KCNH8: variants seen among roughly 807,000 people sequenced by gnomAD.
KCNH8 encodes the protein potassium voltage-gated channel subfamily H member 8, also known as voltage-gated delayed rectifier potassium channel KCNH8.
In KCNH8, 70 loss-of-function variants were observed where a neutral mutation model predicts 103.6. The observed-to-expected ratio is 0.68, with a 90% confidence interval of 0.56 to 0.82. The LOEUF is 0.82. KCNH8 is among the 40% of genes least tolerant of loss of function. The pLI is 0.00. For synonymous variants in KCNH8, 498 were observed against 489.4 expected (o/e 1.02, Z -0.23); for missense variants, 1,217 against 1,329.9 (o/e 0.92, Z 1.32).
chr3:19,517,514 A>T (rs189389964), intron 14 of KCNH8, among the ~76,000 whole-genome samples: 64 of 152,148 alleles, frequency 4.2e-4, no homozygotes, highest in African/African-American at 1.5e-3. Context: ...TACCCTTTAG[A>T]GTGATGCAGG....
intron 3 of KCNH8, among the ~76,000 whole-genome samples, chr3:19,294,586 A>T (rs2064971637): frequency 2.0e-5 from 3 of 152,234 alleles, no homozygotes; most frequent in Admixed American, 1.3e-4. Context: ...GCTTAAACTG[A>T]TTTAAAAATT....
At chr3:19,457,967 C>G (rs1468600318) in intron 11 of KCNH8, among the ~76,000 whole-genome samples, 1 of 151,944 alleles carries the variant, frequency 6.6e-6, no homozygotes, top group Non-Finnish European at 1.5e-5. Flanking sequence ...TTGTTGATAG[C>G]AAACAGCAGA....
chr3:19,468,940 G>A (rs1242715422), intron 11 of KCNH8, among the ~76,000 whole-genome samples: 1 of 152,148 alleles, frequency 6.6e-6, no homozygotes, highest in African/African-American at 2.4e-5. Context: ...GCTATTCCAA[G>A]AAGAGACTTA....
chr3:19,173,775 G>T (rs2063371084), intron 1 of KCNH8, among the ~76,000 whole-genome samples: 2 of 151,994 alleles, frequency 1.3e-5, no homozygotes, highest in South Asian at 4.1e-4. Context: ...TAACAAAGGA[G>T]TTATAACTGA....
intron 11 of KCNH8, among the ~76,000 whole-genome samples, chr3:19,480,301 A>C (rs1395363556): frequency 6.6e-6 from 1 of 152,162 alleles, no homozygotes; most frequent in Non-Finnish European, 1.5e-5. Context: ...CTTCTGCCTC[A>C]ACAGGACTGA....
At chr3:19,275,693 TG>T (rs1313312959) in intron 2 of KCNH8, among the ~76,000 whole-genome samples, 1 of 152,170 alleles carries the variant, frequency 6.6e-6, no homozygotes, top group Non-Finnish European at 1.5e-5. Context: ...GAGACTTATT[TG>T]CCAAGCAGCT....
intron 8 of KCNH8, among the ~76,000 whole-genome samples, chr3:19,448,438 A>T (rs1261978178): frequency 1.3e-5 from 2 of 151,932 alleles, no homozygotes; most frequent in Non-Finnish European, 2.9e-5. Context: ...TTATGAAGGG[A>T]GTGATTTTAT....
chr3:19,280,611 T>C (rs566561419), intron 2 of KCNH8, among the ~76,000 whole-genome samples: 1 of 152,248 alleles, frequency 6.6e-6, no homozygotes, highest in East Asian at 1.9e-4. Flanking sequence ...TTCACGCTGA[T>C]GTATAATGTT....
At chr3:19,374,744 A>G (rs1447882698) in intron 5 of KCNH8, among the ~76,000 whole-genome samples, 3 of 151,712 alleles carry the variant, frequency 2.0e-5, no homozygotes, top group Non-Finnish European at 2.9e-5. Flanking sequence ...GGCTGGTACT[A>G]GTTGTTCCTT....
chr3:19,305,108 A>C (rs1304277207), intron 3 of KCNH8, among the ~76,000 whole-genome samples: 2 of 152,068 alleles, frequency 1.3e-5, no homozygotes, highest in African/African-American at 4.8e-5. Flanking sequence ...AAAAAGGAAA[A>C]AAAAAAAGTG....
intron 1 of KCNH8, among the ~76,000 whole-genome samples, chr3:19,201,329 T>C (rs1204881061): frequency 1.3e-5 from 2 of 151,666 alleles, no homozygotes; most frequent in African/African-American, 4.8e-5. Context: ...GTTTATTTTG[T>C]TCCTTTTCAA....
chr3:19,429,160 CTCTT>C (rs1559323519), intron 7 of KCNH8, among the ~76,000 whole-genome samples: 1 of 126,268 alleles, frequency 7.9e-6, no homozygotes, highest in African/African-American at 3.2e-5. Context: ...TCAGAATCCA[CTCTT>C]TTTTTTTTTT....
intron 1 of KCNH8, among the ~76,000 whole-genome samples, chr3:19,185,828 C>T (rs1443395143): frequency 6.6e-6 from 1 of 151,846 alleles, no homozygotes; most frequent in Non-Finnish European, 1.5e-5. Context: ...ATTTACTTTC[C>T]ACATTTATTC....
chr3:19,506,314 G>T (rs1004825562), intron 11 of KCNH8, among the ~76,000 whole-genome samples: 1 of 152,102 alleles, frequency 6.6e-6, no homozygotes, highest in African/African-American at 2.4e-5. Context: ...GTGTAATTTG[G>T]GTATAATCAG....
chr3:19,191,364 G>A (rs77629942), intron 1 of KCNH8, among the ~76,000 whole-genome samples: 3,613 of 151,808 alleles, frequency 0.024, 142 homozygotes, highest in African/African-American at 0.081. Context: ...TTAATATGAT[G>A]AACAAAAAGT....
chr3:19,388,013 GTTGC>G (rs2066382074), intron 5 of KCNH8, among the ~76,000 whole-genome samples: 1 of 149,620 alleles, frequency 6.7e-6, no homozygotes, highest in Non-Finnish European at 1.5e-5. Context: ...CTTTAAAAAT[GTTGC>G]TGTATCAGTC....
chr3:19,508,503 A>G (rs767031729), intron 11 of KCNH8, among the ~76,000 whole-genome samples: 3 of 152,176 alleles, frequency 2.0e-5, no homozygotes, highest in Non-Finnish European at 4.4e-5. Context: ...AATAGAGACT[A>G]AAAATACCTA....
chr3:19,447,243 G>T (rs572585979), intron 8 of KCNH8, among the ~76,000 whole-genome samples: 1 of 152,046 alleles, frequency 6.6e-6, no homozygotes, highest in Admixed American at 6.6e-5. Flanking sequence ...AAAATGAAAG[G>T]CTATGAGGAC....
intron 2 of KCNH8, among the ~76,000 whole-genome samples, chr3:19,274,412 C>T (rs573111584): frequency 6.6e-6 from 1 of 152,256 alleles, no homozygotes; most frequent in South Asian, 2.1e-4. Context: ...TCTCATTGGA[C>T]TGTACTCAGT....
Sources: gnomAD v4.1 joint callset for allele counts (sites outside exome capture counted in the v4.1 genomes callset) on GRCh38, gnomAD v4.1.1 for gene constraint, MANE v1.5 for transcripts, NCBI Gene and HGNC (gene_info 2026-07-23, HGNC 2026-07-21) for gene names.